Variants in SLC9A1 observed in about 807,000 individuals in gnomAD.
SLC9A1 encodes sodium/hydrogen exchanger 1.
Under a neutral mutation model 67.9 loss-of-function variants are expected in SLC9A1, and 22 were observed. That is an observed-to-expected ratio of 0.32 (90% CI 0.23 to 0.46). The LOEUF (loss-of-function observed/expected upper bound fraction) is 0.46. Ranked by LOEUF, SLC9A1 falls within the 20% of genes least tolerant of loss-of-function variation. SLC9A1 has a pLI of 1.00. For synonymous variants in SLC9A1, 421 were observed against 471.8 expected (o/e 0.89, Z 1.40); for missense variants, 686 against 1,094.8 (o/e 0.63, Z 5.27).
chr1:27,100,789 C>T lies in SLC9A1; in HGVS notation c.2111-145G>A, dbSNP rs1026745412. The T allele has an allele frequency of 3.5e-4, 232 of 667,462 alleles. No individual in the cohort carries two copies. The highest frequency in any genetic ancestry group is 9.5e-5 in the Non-Finnish European group (37 of 387,734). The allele number at this position is 667,462 out of a possible 1,614,324, so 41.3% of individuals were successfully genotyped here. On this transcript the variant is annotated intron_variant, in intron 11 of 11. Coordinates refer to ENST00000263980, the MANE Select transcript of SLC9A1 (RefSeq NM_003047.5). This position sits in a 1 kb window ranked among gnomAD's most constrained non-coding sequence, Gnocchi z 5.6. Reference sequence around the variant, plus strand: ...AACAGGCCTCAGAAGCAGGCCTCTGCGACCTTCCACCCCACAGCTTCTCTT... The same window carrying T: ...AACAGGCCTCAGAAGCAGGCCTCTGTGACCTTCCACCCCACAGCTTCTCTT...
At chr1:27,116,885 T>C (rs1420963222) in intron 1 of SLC9A1, among the ~76,000 whole-genome samples, 1 of 152,158 alleles carries the variant, frequency 6.6e-6, no homozygotes, top group East Asian at 1.9e-4. Context: ...CTGCCAATCT[T>C]CACCTAGTCT....
chr1:27,147,077 G>A (rs1036824197), intron 1 of SLC9A1, among the ~76,000 whole-genome samples: 27 of 151,980 alleles, frequency 1.8e-4, no homozygotes, highest in African/African-American at 4.3e-4. Flanking sequence ...TTCGAGACCA[G>A]CCTGGCCAAT....
At chr1:27,140,200 C>A (rs561044086) in intron 1 of SLC9A1, among the ~76,000 whole-genome samples, 101 of 152,214 alleles carry the variant, frequency 6.6e-4, no homozygotes, top group African/African-American at 2.3e-3. Context: ...TCTGCAGGCT[C>A]CTGCTGCAGC....
At chr1:27,149,686 C>A (rs116357612) in intron 1 of SLC9A1, among the ~76,000 whole-genome samples, 1 of 152,186 alleles carries the variant, frequency 6.6e-6, no homozygotes, top group Non-Finnish European at 1.5e-5. Context: ...TCAGCCTCTA[C>A]GTTGGTCTTA....
chr1:27,101,332 G>A lies in SLC9A1; in HGVS notation c.2038-57C>T. 1 of 1,412,100 alleles carries A rather than the reference G, an allele frequency of 7.1e-7. No homozygotes were observed. The highest frequency in any genetic ancestry group is 1.0e-6 in the Non-Finnish European group (1 of 1,003,810). The allele number at this position is 1,412,100 out of a possible 1,614,324, so 87.5% of individuals were successfully genotyped here. A position where few individuals can be genotyped will look rare whatever the true frequency, so the allele number is the denominator to read the frequency against. On this transcript the variant is annotated intron_variant, in intron 10 of 11. Coordinates refer to ENST00000263980, the MANE Select transcript of SLC9A1 (RefSeq NM_003047.5). This position sits in a 1 kb window ranked among gnomAD's most constrained non-coding sequence, Gnocchi z 4.9. ...GCAGCTGGGCAGAGGGAGCCCCTCA[G>A]GACAGAACCCGGCCAGTGCACACCC...
chr1:27,140,936 G>C (rs970904565), intron 1 of SLC9A1, among the ~76,000 whole-genome samples: 1 of 152,110 alleles, frequency 6.6e-6, no homozygotes, highest in African/African-American at 2.4e-5. Flanking sequence ...GCCCAGGCAC[G>C]GCAGCTCACG....
intron 1 of SLC9A1, among the ~76,000 whole-genome samples, chr1:27,144,109 C>T (rs1471607001): frequency 6.6e-6 from 1 of 152,152 alleles, no homozygotes; most frequent in Non-Finnish European, 1.5e-5. Flanking sequence ...CCCACCCATT[C>T]CCAACACACA....
At chr1:27,126,962 G>C (rs1295137087) in intron 1 of SLC9A1, among the ~76,000 whole-genome samples, 1 of 152,164 alleles carries the variant, frequency 6.6e-6, no homozygotes, top group Non-Finnish European at 1.5e-5. Context: ...AGACAGGACA[G>C]GGAAACGAGT....
intron 1 of SLC9A1, among the ~76,000 whole-genome samples, chr1:27,116,098 G>A (rs2083270589): frequency 6.6e-6 from 1 of 152,084 alleles, no homozygotes; most frequent in South Asian, 2.1e-4. Context: ...GGTAGCTCAC[G>A]CCTGTAATCC....
At chr1:27,113,804 G>A in intron 2 of SLC9A1, 22 bp downstream of exon 2, 2 of 1,582,246 alleles carry the variant, frequency 1.3e-6, no homozygotes, top group Middle Eastern at 1.7e-4. Context: ...TTGGACATGG[G>A]CATGGCCCCT....
At chr1:27,113,338 T>G (rs1444219291) in intron 2 of SLC9A1, among the ~76,000 whole-genome samples, 1 of 152,122 alleles carries the variant, frequency 6.6e-6, no homozygotes, top group South Asian at 2.1e-4. Context: ...TGCATGCCTG[T>G]AGTCCTAGCC....
chr1:27,114,307 G>C lies in SLC9A1; in HGVS notation c.353-21C>G. ...GAAACCTGCGGAGGGCGAGAGAACG[G>C]GAGGCCATGGGCTTTCGGAGGAGCC... On this transcript the variant is annotated intron_variant, in intron 1 of 11. Transcript: ENST00000263980. This position sits in a 1 kb window ranked among gnomAD's most constrained non-coding sequence, Gnocchi z 5.4. 1 of 1,587,160 alleles carries C rather than the reference G, an allele frequency of 6.3e-7. No individual in the cohort carries two copies. Among genetic ancestry groups the C allele is most frequent in the Non-Finnish European group, 8.6e-7 (1 of 1,160,320 alleles).
chr1:27,139,895 C>T (rs1478314879), intron 1 of SLC9A1, among the ~76,000 whole-genome samples: 6 of 151,740 alleles, frequency 4.0e-5, no homozygotes, highest in African/African-American at 1.2e-4. Flanking sequence ...TGGGTTCAAG[C>T]CATTCTCCTG....
intron 1 of SLC9A1, among the ~76,000 whole-genome samples, chr1:27,143,009 T>G (rs1162723915): frequency 6.4e-5 from 9 of 140,704 alleles, no homozygotes; most frequent in Non-Finnish European, 1.5e-5. Context: ...CTCTTAACCT[T>G]CAGAATCTGT....
At position 27,109,663 on chromosome 1, in the gene SLC9A1, C is replaced by G. The variant is rs749369007; in HGVS notation, c.928G>C (p.Val310Leu). 2.5e-6 allele frequency: 4 copies of G among 1,613,890 alleles called. No homozygotes were observed. In the Admixed American group the frequency reaches 6.7e-5, roughly 27 times the overall value. ...VVALGGVLVG[V>L]VYGVIAAFTS... is the part of the protein sequence containing the mutation. The stretch of plus-strand genomic sequence containing the variant: ...AAGGCTGCGATGACCCCGTAGACCA[C>G]GCCCACAAGCACCCCGCCCAGGGCC... Residue 310 changes from valine to leucine, a missense_variant, in exon 3 of 12, where the codon GTG (valine) becomes CTG (leucine). By Grantham distance (32) the Val-to-Leu change is conservative. Coordinates refer to ENST00000263980, the MANE Select transcript of SLC9A1 (RefSeq NM_003047.5). This position sits in a 1 kb window ranked among gnomAD's most constrained non-coding sequence, Gnocchi z 5.5.
chr1:27,146,977 A>T (rs2083489813), intron 1 of SLC9A1, among the ~76,000 whole-genome samples: 1 of 151,976 alleles, frequency 6.6e-6, no homozygotes, highest in African/African-American at 2.4e-5. Flanking sequence ...CTCTACTAAA[A>T]ATACAAAAAT....
At position 27,137,812 on chromosome 1, in the gene SLC9A1, G is replaced by A. The variant is rs1417248447; in HGVS notation, c.352+16171C>T. Among the ~76,000 whole-genome samples, 1 of 152,192 alleles carries A rather than the reference G, an allele frequency of 6.6e-6. No homozygotes were observed. The highest frequency in any genetic ancestry group is 2.4e-5 in the African/African-American group (1 of 41,436). ...AGGGGTGGCCAGCAGGAGTCCAGCA[G>A]AGCCTGGTGCCCACTCAGCCCCTCC... is the stretch of plus-strand genomic sequence containing the variant. On this transcript the variant is annotated intron_variant, in intron 1 of 11. Coordinates refer to ENST00000263980, the MANE Select transcript of SLC9A1 (RefSeq NM_003047.5). This position sits in a 1 kb window ranked among gnomAD's most constrained non-coding sequence, Gnocchi z 4.6.
At position 27,100,255 on chromosome 1, in the gene SLC9A1, G is replaced by T; in HGVS notation, c.*52C>A. The T allele has an allele frequency of 7.3e-7, 1 of 1,365,238 alleles. No individual in the cohort carries two copies. The allele number at this position is 1,365,238 out of a possible 1,614,324, so 84.6% of individuals were successfully genotyped here. ...GCAAGGGGAGCCCCCAGCAGCCCCT[G>T]CTCTGGTGGAAGAGTCTGTGAGGGG... On this transcript the variant is annotated 3_prime_UTR_variant, in exon 12 of 12. Transcript: ENST00000263980. The surrounding 1 kb of genome is among the most constrained non-coding windows in gnomAD (Gnocchi z 5.6).
At chr1:27,107,014 T>C (rs2083189648) in intron 4 of SLC9A1, among the ~76,000 whole-genome samples, 1 of 151,218 alleles carries the variant, frequency 6.6e-6, no homozygotes, top group African/African-American at 2.4e-5. Context: ...GGGAAGTCCC[T>C]CCTGTCTAGC....
Sources: allele counts gnomAD v4.1 joint callset (sites outside exome capture counted in the v4.1 genomes callset), GRCh38; gene constraint gnomAD v4.1.1; non-coding constraint Gnocchi (gnomAD v3.1); transcripts MANE v1.5; gene names NCBI Gene and HGNC (gene_info 2026-07-23, HGNC 2026-07-21).